CCDC150: variants seen among roughly 807,000 people sequenced by gnomAD.
CCDC150 encodes coiled-coil domain-containing protein 150.
In CCDC150, 151 loss-of-function variants were observed where a neutral mutation model predicts 156.5. That is an observed-to-expected ratio of 0.97 (90% confidence interval 0.85 to 1.10). The LOEUF (loss-of-function observed/expected upper bound fraction) is 1.10. CCDC150 is among the 50% of genes least tolerant of loss of function. CCDC150 has a pLI of 0.00. For missense variants in CCDC150, 1,312 were observed against 1,268.1 expected (o/e 1.03, Z -0.53); for synonymous variants, 452 against 429.4 (o/e 1.05, Z -0.65).
intron 15 of CCDC150, among the ~76,000 whole-genome samples, chr2:196,702,553 T>C (rs1696297371): frequency 6.6e-6 from 1 of 152,032 alleles, no homozygotes; most frequent in Non-Finnish European, 1.5e-5. Flanking sequence ...GGTTTTTCCA[T>C]GGAGATAGGG....
Position 196,732,131 on chromosome 2 carries a change from GGAA to G in CCDC150, c.3171_3173del (p.Glu1057del). ...AAAACCGGTTGCAGAGGCCTTCTGG[GGAA>G]GACAGGTGGCAGGAAAAGGTAAGAT... On this transcript the variant is annotated inframe_deletion, in exon 27 of 28. Transcript: ENST00000389175. 1 of 1,613,824 alleles carries G rather than the reference GGAA, an allele frequency of 6.2e-7. No individual in the cohort carries two copies. Among genetic ancestry groups the G allele is most frequent in the Non-Finnish European group, 8.5e-7 (1 of 1,179,814 alleles).
Position 196,730,927 on chromosome 2 carries a change from C to T in CCDC150, c.3051C>T (p.Ala1017=). Residue 1017 remains alanine, a synonymous_variant, in exon 26 of 28, where the codon GCC becomes GCT. Transcript: ENST00000389175. The part of the protein sequence containing the change: ...KEATENTLKE[A]SVESEQITAN... ...CAACAGAGAATACGCTGAAAGAAGC[C>T]AGTGTGGAATCAGAACAGGTGAGCC... The T allele has an allele frequency of 6.3e-7, 1 of 1,598,032 alleles. No individual in the cohort carries two copies. Among genetic ancestry groups the T allele is most frequent in the Non-Finnish European group, 8.5e-7 (1 of 1,172,152 alleles).
chr2:196,715,098 G>A (rs1305558865), intron 17 of CCDC150, among the ~76,000 whole-genome samples: 1 of 152,128 alleles, frequency 6.6e-6, no homozygotes, highest in African/African-American at 2.4e-5. Flanking sequence ...TTCCTATGGA[G>A]GGCAATTTAG....
Position 196,729,241 on chromosome 2 carries a change from C to T in CCDC150, c.2605C>T (p.Arg869Trp), listed in dbSNP as rs201155897. The change falls in exon 23 of 28, where the codon CGG (arginine) becomes TGG (tryptophan). Residue 869 changes from arginine (R) to tryptophan (W), a missense_variant. Coordinates refer to ENST00000389175, the MANE Select transcript of CCDC150 (RefSeq NM_001080539.2). ...TAACTTCAGATCAGTGGAAGTGTCCCGGACCAACCGAGAGCTGCGACAGAA... is the reference window on the plus strand; with the variant it reads ...TAACTTCAGATCAGTGGAAGTGTCCTGGACCAACCGAGAGCTGCGACAGAA... ...EANFRSVEVS[R>W]TNRELRQKLA... The T allele has an allele frequency of 1.9e-4, 314 of 1,613,404 alleles. No homozygotes were observed. The highest frequency in any genetic ancestry group is 2.4e-4 in the Non-Finnish European group (288 of 1,179,776).
In CCDC150 at chr2:196,712,144, G is replaced by A. The variant is rs367566439; in HGVS notation, c.1696-1G>A. 7 of 1,487,060 alleles carry A rather than the reference G, an allele frequency of 4.7e-6. No individual in the cohort carries two copies. Among genetic ancestry groups the A allele is most frequent in the East Asian group, 2.3e-5 (1 of 42,602 alleles). 92.1% of individuals were successfully genotyped at this position (1,487,060 alleles called of 1,614,324 possible). ...TTTTTGTATTTTTGTTTTTCCTCTA[G>A]ATAAAAGTTAAACAGCTAGAAGAAC... On this transcript the variant is annotated splice_acceptor_variant, in intron 15 of 27. Coordinates refer to ENST00000389175, the MANE Select transcript of CCDC150 (RefSeq NM_001080539.2). LOFTEE classifies it high-confidence loss of function.
chr2:196,694,133 C>T lies in CCDC150; in HGVS notation c.1510-913C>T, dbSNP rs538579890. ...GTGCAATGGCGTGATCTCAGCTCAC[C>T]GCAACCTCTGCCTCCCTGGTTCGAG... On this transcript the variant is annotated intron_variant, in intron 13 of 27. Transcript: ENST00000389175. 1.0e-4 allele frequency among the ~76,000 whole-genome samples: 15 copies of T among 150,316 alleles called. No individual in the cohort carries two copies. The South Asian group carries it at 1.7e-3, about 17-fold the overall frequency.
At chr2:196,696,371 AC>A (rs911063403) in intron 14 of CCDC150, among the ~76,000 whole-genome samples, 1 of 152,032 alleles carries the variant, frequency 6.6e-6, no homozygotes, top group Non-Finnish European at 1.5e-5. Flanking sequence ...TTTCAGACCA[AC>A]CCTCTCTCTC....
intron 10 of CCDC150, 73 bp from the exon 11 acceptor site, chr2:196,676,070 C>G: frequency 1.4e-6 from 2 of 1,408,344 alleles, no homozygotes; most frequent in South Asian, 2.5e-5. Context: ...TGTTTTTGAT[C>G]AGTTACTCCA....
chr2:196,688,668 C>T (rs1001300909), intron 13 of CCDC150, among the ~76,000 whole-genome samples: 21 of 151,996 alleles, frequency 1.4e-4, no homozygotes, highest in African/African-American at 3.6e-4. Context: ...GAGTAGGTTG[C>T]GAAAATTTTC....
chr2:196,728,955 A>G (rs1006773472), intron 22 of CCDC150, among the ~76,000 whole-genome samples: 1 of 152,220 alleles, frequency 6.6e-6, no homozygotes, highest in Admixed American at 6.5e-5. Flanking sequence ...TAAAATGCAA[A>G]TGATGAATAT....
At chr2:196,729,540 A>AGT (rs1559283398) in intron 23 of CCDC150, 153 bp downstream of exon 23, 9 of 729,254 alleles carry the variant, frequency 1.2e-5, no homozygotes, top group Non-Finnish European at 2.3e-6. Context: ...TTTTCAGTGG[A>AGT]GTCACTGCTG....
chr2:196,695,532 A>C (rs1437747355), intron 14 of CCDC150, among the ~76,000 whole-genome samples: 1 of 152,160 alleles, frequency 6.6e-6, no homozygotes, highest in African/African-American at 2.4e-5. Context: ...ATTACAAATA[A>C]GTGGTACAGT....
Position 196,666,829 on chromosome 2 carries a change from A to C in CCDC150, c.873A>C (p.Ser291=). 6.2e-7 allele frequency: 1 copy of C among 1,613,726 alleles called. No individual in the cohort carries two copies. Among genetic ancestry groups the C allele is most frequent in the African/African-American group, 1.3e-5 (1 of 75,038 alleles). ...AAGAAGAGTTGGAGATTGCTACTTC[A>C]CAGCTCAAATCTGATCTAAGTATGA... The part of the protein sequence containing the change: ...KKKEELEIAT[S]QLKSDLTSRD... Residue 291 remains serine, a synonymous_variant, in exon 7 of 28, where the codon TCA becomes TCC. Transcript: ENST00000389175.
At chr2:196,697,617 A>G (rs1287217441) in intron 14 of CCDC150, among the ~76,000 whole-genome samples, 1 of 152,202 alleles carries the variant, frequency 6.6e-6, no homozygotes, top group Non-Finnish European at 1.5e-5. Context: ...ACACTCATGC[A>G]GATGTCTAAG....
At chr2:196,657,744 G>A (rs1693306739) in intron 4 of CCDC150, among the ~76,000 whole-genome samples, 1 of 152,144 alleles carries the variant, frequency 6.6e-6, no homozygotes, top group African/African-American at 2.4e-5. Flanking sequence ...TGTAATGGAT[G>A]TTCAATGTGT....
Position 196,666,811 on chromosome 2 carries a change from G to A in CCDC150, c.855G>A (p.Glu285=), listed in dbSNP as rs749673166. The A allele has an allele frequency of 6.2e-7, 1 of 1,612,334 alleles. No homozygotes were observed. The highest frequency in any genetic ancestry group is 8.5e-7 in the Non-Finnish European group (1 of 1,179,012). Residue 285 remains glutamate, a synonymous_variant, in exon 7 of 28, where the codon GAG becomes GAA. Coordinates refer to ENST00000389175, the MANE Select transcript of CCDC150 (RefSeq NM_001080539.2). ...LLAQEQKKKE[E]LEIATSQLKS... ...CCCAGGAACAAAAAAAAAAAGAAGA[G>A]TTGGAGATTGCTACTTCACAGCTCA... is the stretch of plus-strand genomic sequence containing the variant.
intron 22 of CCDC150, among the ~76,000 whole-genome samples, chr2:196,728,939 T>G (rs1443785648): frequency 6.6e-6 from 1 of 152,220 alleles, no homozygotes; most frequent in Non-Finnish European, 1.5e-5. Context: ...TCCAAAGTCA[T>G]GCTCTTAAAA....
intron 15 of CCDC150, among the ~76,000 whole-genome samples, chr2:196,704,078 A>G (rs1051772117): frequency 3.3e-5 from 5 of 152,260 alleles, no homozygotes; most frequent in African/African-American, 4.8e-5. Context: ...TATACTAAAC[A>G]TAGTCAAAAC....
rs540073168 is a variant in CCDC150 at position 196,646,029 on chromosome 2, T to C, written c.13-312T>C. Among the ~76,000 whole-genome samples, 3 of 152,322 alleles carry C rather than the reference T, an allele frequency of 2.0e-5. No individual in the cohort carries two copies. The South Asian group carries it at 6.2e-4, about 32-fold the overall frequency. ...TACAACAACATAGGTTTATTGTATG[T>C]CATGACATCCACACTGTATATCATG... On this transcript the variant is annotated intron_variant, in intron 1 of 27. Transcript: ENST00000389175.
Sources: allele counts gnomAD v4.1 joint callset (sites outside exome capture counted in the v4.1 genomes callset), GRCh38; gene constraint gnomAD v4.1.1; transcripts MANE v1.5; gene names NCBI Gene and HGNC (gene_info 2026-07-23, HGNC 2026-07-21).